DNAH5: variants seen among roughly 807,000 people sequenced by gnomAD.
DNAH5 encodes axonemal beta dynein heavy chain 5.
In DNAH5, 372 loss-of-function variants were observed where a neutral mutation model predicts 518.2. The ratio of observed to expected loss-of-function variants is 0.72; its 90% CI spans 0.66 to 0.78. The LOEUF is 0.78. Among genes scored for constraint, DNAH5 ranks in the 30% least tolerant of loss-of-function variants. The probability of loss-of-function intolerance (pLI) is 0.00; values close to 1 mark genes in which losing one functional copy is unlikely to be tolerated. For missense variants in DNAH5, 5,523 were observed against 5,687.0 expected, an observed-to-expected ratio of 0.97 and a Z score of 0.93; for synonymous variants, 2,039 against 2,025.9, an observed-to-expected ratio of 1.01 and a Z score of -0.17.
In DNAH5 at chr5:13,862,557, A is replaced by C. The variant is rs1242688686; in HGVS notation, c.4787T>G (p.Leu1596Arg). 1.2e-6 allele frequency: 2 copies of C among 1,613,860 alleles called. No homozygotes were observed. Among genetic ancestry groups the C allele is most frequent in the East Asian group, 4.5e-5 (2 of 44,898 alleles). Residue 1596 changes from leucine to arginine, a missense_variant, in exon 29 of 79, where the codon CTG becomes CGG. Physicochemically the swap from Leu to Arg is moderately radical, Grantham distance 102. This residue lies in a region of DNAH5 where 5,121 missense variants were observed against 5,223.3 expected (regional missense o/e 0.98). Transcript: ENST00000265104. ...TAGATGGTTTTCCCACCTGTTGCTCAGTAGGGATCCCAGCAACATCAAGCT... is the reference window on the plus strand; with the variant it reads ...TAGATGGTTTTCCCACCTGTTGCTCCGTAGGGATCCCAGCAACATCAAGCT... Reference protein sequence around the residue: ...EDSLMLLGSLLSNRYNMPFKA... With the variant: ...EDSLMLLGSLRSNRYNMPFKA...
chr5:13,938,388 A>G (rs1779147943), intron 1 of DNAH5, among the ~76,000 whole-genome samples: 1 of 152,122 alleles, frequency 6.6e-6, no homozygotes, highest in Non-Finnish European at 1.5e-5. Context: ...ACAGTACAAT[A>G]AGATATTTTG....
rs1398178559 is a variant in DNAH5, at chr5:13,982,089, C to T, written c.12+29559G>A. Among the ~76,000 whole-genome samples the T allele has an allele frequency of 2.0e-5, 3 of 152,254 alleles. No individual in the cohort carries two copies. In the East Asian group the frequency reaches 5.8e-4, roughly 29 times the overall value. ...AGGTCAAAATACTTCCCTCGTTATGCTTCATAAACACTGTGCTGCCAAACT... is the reference window on the plus strand; with the variant it reads ...AGGTCAAAATACTTCCCTCGTTATGTTTCATAAACACTGTGCTGCCAAACT... On this transcript the variant is annotated intron_variant, in intron 1 of 78. Transcript: ENST00000681290.
At position 13,928,121 on chromosome 5, in the gene DNAH5, A is replaced by G. The variant is rs1159823492; in HGVS notation, c.250T>C (p.Tyr84His). 13 of 1,613,878 alleles carry G rather than the reference A, an allele frequency of 8.1e-6. No individual in the cohort carries two copies. The African/African-American group carries it at 1.2e-4, about 15-fold the overall frequency. ...VGGLRHLMFY[Y>H]QDVEEAETGQ... ...GTTTCTGCTTCCTCCACATCTTGAT[A>G]GTAAAACATGAGGTGTCGGAGACCT... is the stretch of plus-strand genomic sequence containing the variant. The change falls in exon 3 of 79, where the codon TAT becomes CAT. Residue 84 changes from tyrosine to histidine, a missense_variant. By Grantham distance (83) the Tyr-to-His change is moderately conservative (BLOSUM62 2). Transcript: ENST00000265104.
At position 13,865,764 on chromosome 5, in the gene DNAH5, T is replaced by C. The variant is rs760431169; in HGVS notation, c.4259A>G (p.Asn1420Ser). 2.5e-6 allele frequency: 4 copies of C among 1,610,534 alleles called. No individual in the cohort carries two copies. Among genetic ancestry groups the C allele is most frequent in the South Asian group, 1.1e-5 (1 of 91,000 alleles). Residue 1420 changes from asparagine to serine, a missense_variant, in exon 27 of 79, where the codon AAC becomes AGC. Transcript: ENST00000265104. ...NLLQKIYTLYNSVIETVNSYY... is the reference protein window; with the variant it reads ...NLLQKIYTLYSSVIETVNSYY... ...GCTATTTACAGTTTCTATGACACTGTTGTACAGAGTATATATTTTCTGTAG... is the reference window on the plus strand; with the variant it reads ...GCTATTTACAGTTTCTATGACACTGCTGTACAGAGTATATATTTTCTGTAG...
intron 1 of DNAH5, among the ~76,000 whole-genome samples, chr5:13,956,200 T>C (rs1286328915): frequency 6.6e-6 from 1 of 152,224 alleles, no homozygotes; most frequent in Non-Finnish European, 1.5e-5. Context: ...TCTGAAATTC[T>C]ACAGCTCATT....
chr5:13,708,146 T>G lies in DNAH5; in HGVS notation c.13315A>C (p.Arg4439=). 1 of 1,614,196 alleles carries G rather than the reference T, an allele frequency of 6.2e-7. No individual in the cohort carries two copies. The highest frequency in any genetic ancestry group is 2.2e-5 in the East Asian group (1 of 44,884). ...RDALDCMFDA[R]IPAWWKKASW... is the part of the protein sequence containing the mutation. Reference sequence around the variant, plus strand: ...ACTTTTTTCCACCAAGCAGGGATTCTAGCATCAAACATGCAATCCAATGCA... The same window carrying G: ...ACTTTTTTCCACCAAGCAGGGATTCGAGCATCAAACATGCAATCCAATGCA... Residue 4439 remains arginine, a synonymous_variant, in exon 76 of 79, where the codon AGA becomes CGA. Coordinates refer to ENST00000265104, the MANE Select transcript of DNAH5 (RefSeq NM_001369.3).
intron 1 of DNAH5, among the ~76,000 whole-genome samples, chr5:13,974,426 C>G (rs1364617081): frequency 6.6e-6 from 1 of 152,164 alleles, no homozygotes; most frequent in African/African-American, 2.4e-5. Flanking sequence ...TGCCCAGCAA[C>G]ATCATTTTCT....
At chr5:13,882,639 T>G in intron 21 of DNAH5, 89 bp downstream of exon 21, 1 of 1,008,902 alleles carries the variant, frequency 9.9e-7, no homozygotes, top group South Asian at 1.4e-5. Context: ...TAAAATAAAT[T>G]GAGAATTACA....
At chr5:13,745,812 C>T (rs1040592589) in intron 65 of DNAH5, among the ~76,000 whole-genome samples, 6 of 151,998 alleles carry the variant, frequency 3.9e-5, no homozygotes, top group African/African-American at 7.2e-5. Flanking sequence ...ATCTTCCTAA[C>T]GTCAACAGCT....
In DNAH5 at chr5:13,752,258, T is replaced by C; in HGVS notation, c.10904A>G (p.Asn3635Ser). ...ITSLNHKYFR[N>S]HLEDSLSLGR... ...AAGAGAAAGGCTGTCTTCCAGGTGGTTTCTGAAGTACTTGTGATTTAAAGA... is the reference window on the plus strand; with the variant it reads ...AAGAGAAAGGCTGTCTTCCAGGTGGCTTCTGAAGTACTTGTGATTTAAAGA... Residue 3635 changes from asparagine (N) to serine (S), a missense_variant, in exon 64 of 79, where the codon AAC becomes AGC. Physicochemically the swap from Asn to Ser is conservative, Grantham distance 46. This residue lies in a region of DNAH5 where 5,121 missense variants were observed against 5,223.3 expected (regional missense o/e 0.98). Coordinates refer to ENST00000265104, the MANE Select transcript of DNAH5 (RefSeq NM_001369.3). 3.7e-6 allele frequency: 6 copies of C among 1,614,064 alleles called. No individual in the cohort carries two copies. Among genetic ancestry groups the C allele is most frequent in the Non-Finnish European group, 5.1e-6 (6 of 1,179,950 alleles).
At chr5:13,813,617 G>C (rs1256946020) in intron 43 of DNAH5, among the ~76,000 whole-genome samples, 1 of 152,100 alleles carries the variant, frequency 6.6e-6, no homozygotes, top group East Asian at 1.9e-4. Flanking sequence ...TTAATGGGTG[G>C]ATAATCTAAT....
At chr5:13,956,086 C>T (rs1335998580) in intron 1 of DNAH5, among the ~76,000 whole-genome samples, 2 of 152,164 alleles carry the variant, frequency 1.3e-5, no homozygotes, top group Non-Finnish European at 2.9e-5. Flanking sequence ...GTCTGACACA[C>T]ACTTCATTCC....
Position 13,769,017 on chromosome 5 carries a change from A to C in DNAH5, c.9840T>G (p.Ala3280=), listed in dbSNP as rs1256566430. The C allele has an allele frequency of 1.2e-6, 2 of 1,614,174 alleles. No individual in the cohort carries two copies. The highest frequency in any genetic ancestry group is 1.7e-6 in the Non-Finnish European group (2 of 1,180,026). Residue 3280 remains alanine (A), a synonymous_variant, in exon 58 of 79, where the codon GCT becomes GCG. Transcript: ENST00000265104. The part of the protein sequence containing the change: ...VDSISKDKAI[A]EEKLEAAKPA... ...GTTTTGCTGCTTCCAGTTTTTCTTC[A>C]GCAATGGCTTTGTCTTTAGAGATGC...
chr5:13,735,558 A>G (rs1470979349), intron 67 of DNAH5, among the ~76,000 whole-genome samples: 1 of 152,188 alleles, frequency 6.6e-6, no homozygotes, highest in Non-Finnish European at 1.5e-5. Flanking sequence ...ACTCACAACG[A>G]TATCTTGGGA....
At chr5:13,848,812 G>A (rs1015326438) in intron 31 of DNAH5, among the ~76,000 whole-genome samples, 1 of 152,190 alleles carries the variant, frequency 6.6e-6, no homozygotes, top group Non-Finnish European at 1.5e-5. Context: ...GATGAGGAGC[G>A]GCTGTAAATA....
chr5:13,722,488 C>T (rs1018985120), intron 70 of DNAH5, among the ~76,000 whole-genome samples: 12 of 150,938 alleles, frequency 8.0e-5, no homozygotes, highest in Non-Finnish European at 1.3e-4. Context: ...TTACTACGTC[C>T]TCTCATAGCT....
At chr5:14,008,291 T>TGAGGGAGGGAGGGGAGGAGGAGGGGATG (rs146724289) in intron 1 of DNAH5, among the ~76,000 whole-genome samples, 1 of 146,106 alleles carries the variant, frequency 6.8e-6, no homozygotes, top group South Asian at 2.2e-4. Context: ...GAGGAAGAAA[T>TGAGGGAGGGAGGGGAGGAGGAGGGGATG]GAGGGAGAGA....
chr5:13,781,799 T>C (rs149079566), intron 52 of DNAH5, among the ~76,000 whole-genome samples: 4 of 152,034 alleles, frequency 2.6e-5, no homozygotes, highest in South Asian at 4.2e-4. Context: ...CTAATACATA[T>C]GGTATAGATG....
At position 13,719,090 on chromosome 5, in the gene DNAH5, T is replaced by G; in HGVS notation, c.12291A>C (p.Ala4097=). 1 of 1,613,948 alleles carries G rather than the reference T, an allele frequency of 6.2e-7. No homozygotes were observed. Among genetic ancestry groups the G allele is most frequent in the Non-Finnish European group, 8.5e-7 (1 of 1,179,882 alleles). ...LQQTMANGGW[A]LLQNCHLGLD... ...GTCCCAGATGGCAGTTCTGCAGAAG[T>G]GCCCATCCTCCCTGTCAATAGCAGT... is the stretch of plus-strand genomic sequence containing the variant. The change falls in exon 72 of 79, where the codon GCA becomes GCC. Residue 4097 remains alanine (A), a synonymous_variant. Transcript: ENST00000265104.
Sources: allele counts gnomAD v4.1 joint callset (sites outside exome capture counted in the v4.1 genomes callset), GRCh38; gene constraint gnomAD v4.1.1; regional missense constraint gnomAD v4.1.1; transcripts MANE v1.5; gene names NCBI Gene and HGNC (gene_info 2026-07-23, HGNC 2026-07-21).